The following HACE1 variants were observed in gnomAD, a reference collection of about 807,000 sequenced individuals.
HACE1 encodes the protein E3 ubiquitin-protein ligase HACE1.
In HACE1, 73 loss-of-function variants were observed where a neutral mutation model predicts 118.4. The observed-to-expected ratio is 0.62, with a 90% CI of 0.51 to 0.75. HACE1 has a LOEUF of 0.75. Ranked by LOEUF, HACE1 falls within the 30% of genes least tolerant of loss-of-function variation. The pLI, the probability that HACE1 is intolerant of heterozygous loss-of-function variation, is 0.00. For missense variants in HACE1, 749 were observed against 1,102.2 expected (o/e 0.68, Z 4.54); for synonymous variants, 368 against 374.8 (o/e 0.98, Z 0.21).
intron 19 of HACE1, among the ~76,000 whole-genome samples, chr6:104,765,006 A>T (rs1779823539): frequency 6.6e-6 from 1 of 152,124 alleles, no homozygotes; most frequent in South Asian, 2.1e-4. Context: ...CCACAATTAC[A>T]ATTCTGTTCA....
intron 5 of HACE1, 89 bp from the exon 6 acceptor site, chr6:104,833,262 G>A: frequency 8.5e-7 from 1 of 1,175,482 alleles, no homozygotes; most frequent in Middle Eastern, 1.9e-4. Context: ...AGCTGGGCGT[G>A]ATTTGCACAT....
chr6:104,760,142 C>T (rs577038151), intron 19 of HACE1, among the ~76,000 whole-genome samples: 1 of 152,296 alleles, frequency 6.6e-6, no homozygotes, highest in South Asian at 2.1e-4. Flanking sequence ...GGTACCATTC[C>T]TTCTGAAACT....
At chr6:104,774,500 T>A (rs1296364977) in intron 17 of HACE1, among the ~76,000 whole-genome samples, 3 of 152,018 alleles carry the variant, frequency 2.0e-5, no homozygotes, top group African/African-American at 7.2e-5. Flanking sequence ...TTCTCCTCCC[T>A]CAGCCTACCA....
intron 19 of HACE1, among the ~76,000 whole-genome samples, chr6:104,756,424 AAAAT>A (rs1185067683): frequency 1.4e-4 from 17 of 122,092 alleles, no homozygotes; most frequent in African/African-American, 4.3e-4. Context: ...AAAAAAAAAA[AAAAT>A]ATATATATAT....
At chr6:104,751,695 A>G (rs7758536) in intron 19 of HACE1, among the ~76,000 whole-genome samples, 386 of 152,314 alleles carry the variant, frequency 2.5e-3, no homozygotes, top group African/African-American at 8.9e-3. Context: ...AACAAAATGA[A>G]TTATATACAG....
intron 2 of HACE1, among the ~76,000 whole-genome samples, chr6:104,851,420 C>T (rs1776194665): frequency 6.6e-6 from 1 of 152,182 alleles, no homozygotes; most frequent in African/African-American, 2.4e-5. Flanking sequence ...GTCCCACACC[C>T]ACCACAAAAT....
In HACE1 at chr6:104,785,036, C is replaced by T. The variant is rs1207677791; in HGVS notation, c.1358G>A (p.Ser453Asn). 6.2e-7 allele frequency: 1 copy of T among 1,613,854 alleles called. No homozygotes were observed. Residue 453 changes from serine (S) to asparagine (N), a missense_variant, in exon 12 of 24, where the codon AGT becomes AAT. Transcript: ENST00000262903. ...CATGTAAAAAGCTTGAATGACAGCA[C>T]TTAGCCGGTTAGCTGTCATAGAAAT... ...DVISMTANRL[S>N]AVIQAFYMCC...
At chr6:104,772,574 C>T (rs1484139482) in intron 17 of HACE1, among the ~76,000 whole-genome samples, 2 of 152,178 alleles carry the variant, frequency 1.3e-5, no homozygotes, top group Non-Finnish European at 2.9e-5. Flanking sequence ...TGTAAATGTA[C>T]AACTGCTCTT....
At chr6:104,735,925 T>A (rs997188773) in intron 22 of HACE1, among the ~76,000 whole-genome samples, 97 of 152,086 alleles carry the variant, frequency 6.4e-4, no homozygotes, top group African/African-American at 2.3e-3. Context: ...AAAAATTACA[T>A]AGATCTATAA....
intron 4 of HACE1, among the ~76,000 whole-genome samples, chr6:104,845,187 T>G (rs1194976446): frequency 6.6e-6 from 1 of 152,040 alleles, no homozygotes; most frequent in Non-Finnish European, 1.5e-5. Context: ...ATATTACTAT[T>G]TATTCAACTA....
intron 19 of HACE1, chr6:104,766,686 A>T (rs534006256): frequency 1.3e-5 from 2 of 152,380 alleles, no homozygotes; most frequent in South Asian, 4.1e-4. Context: ...CTGCCTTAGT[A>T]AATGAGAAGC....
rs62419357 is a variant in HACE1 at position 104,785,717 on chromosome 6, A to T, written c.1075-398T>A. 3.0e-3 allele frequency: 488 copies of T among 163,120 alleles called. 1 individual carries two copies. Among genetic ancestry groups the T allele is most frequent in the Non-Finnish European group, 5.5e-3 (408 of 74,806 alleles). 10.1% of individuals were successfully genotyped at this position (163,120 alleles called of 1,614,324 possible). A position where few individuals can be genotyped will look rare whatever the true frequency, so the allele number is the denominator to read the frequency against. On this transcript the variant is annotated intron_variant, in intron 11 of 23. Coordinates refer to ENST00000262903, the MANE Select transcript of HACE1 (RefSeq NM_020771.4). The stretch of plus-strand genomic sequence containing the variant: ...ATGTCAACCACTTTCAATTAAACAA[A>T]TAAGATTTTTTCAGTTAAAAAATGA...
intron 19 of HACE1, among the ~76,000 whole-genome samples, chr6:104,770,718 C>CAATA (rs555011230): frequency 1.3e-3 from 202 of 151,890 alleles, no homozygotes; most frequent in African/African-American, 1.8e-3. Context: ...GACTTCGTCT[C>CAATA]AATAAATAAA....
At chr6:104,746,216 C>A (rs1005567530) in intron 20 of HACE1, among the ~76,000 whole-genome samples, 4 of 152,134 alleles carry the variant, frequency 2.6e-5, no homozygotes, top group African/African-American at 9.7e-5. Context: ...ATTGACATAA[C>A]CCACATAAAC....
At chr6:104,740,480 C>A (rs969059561) in intron 22 of HACE1, among the ~76,000 whole-genome samples, 10 of 152,156 alleles carry the variant, frequency 6.6e-5, no homozygotes, top group African/African-American at 2.4e-4. Flanking sequence ...AAGGGGATAT[C>A]ACCATTAATG....
intron 5 of HACE1, 48 bp from the exon 6 acceptor site, chr6:104,833,221 T>C: frequency 6.6e-7 from 1 of 1,523,372 alleles, no homozygotes. Flanking sequence ...GTGTTTTATA[T>C]AAAAACAGCA....
rs188898702 is a variant in HACE1 at position 104,832,870 on chromosome 6, G to C, written c.534+172C>G. Among the ~76,000 whole-genome samples the C allele has an allele frequency of 4.6e-4, 70 of 152,074 alleles. No homozygotes were observed. The East Asian group carries it at 0.011, about 24-fold the overall frequency. On this transcript the variant is annotated intron_variant, in intron 6 of 23. Transcript: ENST00000262903. Reference sequence around the variant, plus strand: ...GCTAGGATCCCACCACTGCACTCCAGCCTGGGCAACAAAGTGAGGCCCTGT... The same window carrying C: ...GCTAGGATCCCACCACTGCACTCCACCCTGGGCAACAAAGTGAGGCCCTGT...
chr6:104,795,721 A>AT, intron 9 of HACE1, 36 bp from the exon 10 acceptor site: 40 of 1,208,106 alleles, frequency 3.3e-5, no homozygotes, highest in Non-Finnish European at 4.3e-5. Context: ...GTGATTACAT[A>AT]GTAATCCATT....
chr6:104,798,115 T>G (rs1582522773), intron 7 of HACE1, among the ~76,000 whole-genome samples: 1 of 145,446 alleles, frequency 6.9e-6, no homozygotes, highest in Non-Finnish European at 1.5e-5. Context: ...AGAAAAGAAA[T>G]GCCCAAATAA....
Sources: allele counts gnomAD v4.1 joint callset (sites outside exome capture counted in the v4.1 genomes callset), GRCh38; gene constraint gnomAD v4.1.1; transcripts MANE v1.5; gene names NCBI Gene and HGNC (gene_info 2026-07-23, HGNC 2026-07-21).